PROM2: variants seen among roughly 807,000 people sequenced by gnomAD.
PROM2 encodes prominin 2, also known as prominin-2.
In PROM2, 90 loss-of-function variants were observed where a neutral mutation model predicts 110.2. That is an observed-to-expected ratio of 0.82 (90% confidence interval 0.69 to 0.97). The LOEUF is 0.97. PROM2 is among the 50% of genes least tolerant of loss of function. The probability of loss-of-function intolerance (pLI) is 0.00; values close to 1 mark genes in which losing one functional copy is unlikely to be tolerated. For synonymous variants in PROM2, 470 were observed against 467.8 expected (o/e 1.00, Z -0.06); for missense variants, 1,009 against 1,074.8 (o/e 0.94, Z 0.86).
chr2:95,282,534 G>A (rs1201310820), intron 14 of PROM2, among the ~76,000 whole-genome samples: 2 of 152,210 alleles, frequency 1.3e-5, no homozygotes. Context: ...ACAGGCATTG[G>A]CTGGGATGCT....
Position 95,286,551 on chromosome 2 carries a change from GT to G in PROM2, c.2021del (p.Val674AlafsTer32). The part of the protein sequence containing the change: ...GLRNLHQEKV[V>X]PQQSLVAKLN... ...CAGAAACCTTCACCAGGAGAAGGTC[GT>G]CCCCCAGCAGAGCCTTGTGGTCAGT... On this transcript the variant is annotated frameshift_variant, in exon 17 of 24. Coordinates refer to ENST00000317620, the MANE Select transcript of PROM2 (RefSeq NM_001165978.3). LOFTEE classifies it high-confidence loss of function. 2.5e-6 allele frequency: 4 copies of G among 1,613,512 alleles called. No homozygotes were observed. Among genetic ancestry groups the G allele is most frequent in the Admixed American group, 1.7e-5 (1 of 60,008 alleles).
rs780446198 is a variant in PROM2, at chr2:95,279,067, C to G, written c.1197C>G (p.Arg399=). The G allele has an allele frequency of 1.6e-5, 25 of 1,602,618 alleles. No homozygotes were observed. The highest frequency in any genetic ancestry group is 5.0e-5 in the Admixed American group (3 of 59,456). The change falls in exon 10 of 24, where the codon CGC becomes CGG. Residue 399 remains arginine (R), a synonymous_variant. Transcript: ENST00000317620. ...TCCCGGGCTTGGAGGCAGCTTCCCGCTGGGCCCAGGCACTGCAGGAGGTGG... is the reference window on the plus strand; with the variant it reads ...TCCCGGGCTTGGAGGCAGCTTCCCGGTGGGCCCAGGCACTGCAGGAGGTGG... ...EGFPGLEAAS[R]WAQALQEVEE...
chr2:95,284,856 A>G (rs1677251362), intron 14 of PROM2, 113 bp from the exon 15 acceptor site: 2 of 1,207,932 alleles, frequency 1.7e-6, no homozygotes, highest in Non-Finnish European at 2.3e-6. Flanking sequence ...TGAAATTTGG[A>G]GGGGACAAAT....
chr2:95,277,629 A>G, intron 7 of PROM2, 63 bp downstream of exon 7: 1 of 1,420,066 alleles, frequency 7.0e-7, no homozygotes. Flanking sequence ...TGCTCCTGGG[A>G]TCTGGCAAAT....
In PROM2 at chr2:95,286,515, G is replaced by A; in HGVS notation, c.1984G>A (p.Ala662Thr). Residue 662 changes from alanine (A) to threonine (T), a missense_variant, in exon 17 of 24, where the codon GCC becomes ACC. Coordinates refer to ENST00000317620, the MANE Select transcript of PROM2 (RefSeq NM_001165978.3). Reference protein sequence around the residue: ...SVLGQRLQEEAQGLRNLHQEK... With the variant: ...SVLGQRLQEETQGLRNLHQEK... ...GCTGGGGCAGCGGCTGCAGGAGGAG[G>A]CCCAAGGACTCAGAAACCTTCACCA... The A allele has an allele frequency of 6.2e-7, 1 of 1,613,848 alleles. No homozygotes were observed. The highest frequency in any genetic ancestry group is 8.5e-7 in the Non-Finnish European group (1 of 1,180,012).
rs1299368329 is a variant in PROM2 at position 95,285,101 on chromosome 2, G to A, written c.1861G>A (p.Asp621Asn). Residue 621 changes from aspartate (D) to asparagine (N), a missense_variant, in exon 15 of 24, where the codon GAC becomes AAC. Coordinates refer to ENST00000317620, the MANE Select transcript of PROM2 (RefSeq NM_001165978.3). ...SSGLQRIHYPDFLVQIQRPVV... is the reference protein window; with the variant it reads ...SSGLQRIHYPNFLVQIQRPVV... ...TGGGCTTCAGCGCATCCACTACCCC[G>A]ACTTCCTCGTTCAGGTCAGCGGTGG... 32 of 1,579,292 alleles carry A rather than the reference G, an allele frequency of 2.0e-5. No individual in the cohort carries two copies. The highest frequency in any genetic ancestry group is 5.4e-5 in the Admixed American group (3 of 55,644).
At chr2:95,278,876 G>T in intron 9 of PROM2, 92 bp downstream of exon 9, 2 of 1,605,336 alleles carry the variant, frequency 1.2e-6, no homozygotes, top group Non-Finnish European at 1.7e-6. Flanking sequence ...TGGGGTGGCG[G>T]GGGACTGTCT....
rs372626448 is a variant in PROM2 at position 95,277,074 on chromosome 2, C to T, written c.772+13C>T. ...AGTTTGGGCCAGGGTGAGCTGGAGC[C>T]GCATCCTGGATAGTGTGGAGCCCAG... On this transcript the variant is annotated intron_variant, in intron 6 of 23. Transcript: ENST00000317620. 22 of 1,548,544 alleles carry T rather than the reference C, an allele frequency of 1.4e-5. No individual in the cohort carries two copies. Among genetic ancestry groups the T allele is most frequent in the Non-Finnish European group, 1.7e-5 (19 of 1,145,470 alleles).
intron 18 of PROM2, 61 bp downstream of exon 18, chr2:95,286,918 TAGG>T: frequency 6.4e-7 from 1 of 1,554,460 alleles, no homozygotes; most frequent in Non-Finnish European, 8.9e-7. Flanking sequence ...GGGGAGGAAG[TAGG>T]AGCCCATCTC....
Position 95,276,969 on chromosome 2 carries a change from C to T in PROM2, c.683-3C>T. 4.5e-6 allele frequency: 7 copies of T among 1,551,842 alleles called. No homozygotes were observed. The highest frequency in any genetic ancestry group is 6.1e-6 in the Non-Finnish European group (7 of 1,147,056). On this transcript the variant is annotated splice_region_variant and splice_polypyrimidine_tract_variant and intron_variant, in intron 5 of 23. Transcript: ENST00000317620. This position sits in a 1 kb window ranked among gnomAD's most constrained non-coding sequence, Gnocchi z 4.6. ...ACCCTGCAGACTGCCCTGTGCTCTG[C>T]AGGTGTTGGTGTGAGCATTGGGAGC...
rs1677518105 is a variant in PROM2, at chr2:95,288,571, C to T, written c.2423C>T (p.Pro808Leu). ...GTCAAGACCTCCAAATACTTCCGTC[C>T]TATCCGGAAACGCCTCAGGTGAGGG... ...FAVKTSKYFR[P>L]IRKRLSSTSS... The change falls in exon 22 of 24, where the codon CCT (proline) becomes CTT (leucine). Residue 808 changes from proline (P) to leucine (L), a missense_variant. Coordinates refer to ENST00000317620, the MANE Select transcript of PROM2 (RefSeq NM_001165978.3). 6.2e-7 allele frequency: 1 copy of T among 1,614,114 alleles called. No homozygotes were observed. Among genetic ancestry groups the T allele is most frequent in the Non-Finnish European group, 8.5e-7 (1 of 1,179,970 alleles).
chr2:95,278,633 C>T lies in PROM2; in HGVS notation c.1051-88C>T, dbSNP rs1214408775. ...GGAAACTGGGAGCACTGAGGGGGGC[C>T]CTCCCTCTAGGCCTGGTGACTTTGG... On this transcript the variant is annotated intron_variant, in intron 8 of 23. Transcript: ENST00000317620. 12 of 1,470,348 alleles carry T rather than the reference C, an allele frequency of 8.2e-6. No individual in the cohort carries two copies. The South Asian group carries it at 9.1e-5, about 11-fold the overall frequency. The allele number at this position is 1,470,348 out of a possible 1,614,324, so 91.1% of individuals were successfully genotyped here.
chr2:95,282,061 G>C (rs1187816126), intron 13 of PROM2, 45 bp downstream of exon 13: 1 of 1,608,542 alleles, frequency 6.2e-7, no homozygotes. Flanking sequence ...GAAGGAAGGA[G>C]GAGGGCCGGT....
chr2:95,281,071 G>A (rs1677012831), intron 11 of PROM2, among the ~76,000 whole-genome samples, 171 bp from the exon 12 acceptor site: 1 of 152,186 alleles, frequency 6.6e-6, no homozygotes, highest in Non-Finnish European at 1.5e-5. Context: ...AGGAATACTG[G>A]GTTCTCCCTC....
In PROM2 at chr2:95,277,029, C is replaced by T; in HGVS notation, c.740C>T (p.Pro247Leu). 1.3e-6 allele frequency: 2 copies of T among 1,552,814 alleles called. No homozygotes were observed. Among genetic ancestry groups the T allele is most frequent in the Non-Finnish European group, 8.7e-7 (1 of 1,147,482 alleles). Residue 247 changes from proline (P) to leucine (L), a missense_variant, in exon 6 of 24, where the codon CCC becomes CTC. By Grantham distance (98) the Pro-to-Leu change is moderately conservative. Coordinates refer to ENST00000317620, the MANE Select transcript of PROM2 (RefSeq NM_001165978.3). ...IHTQLRSSVY[P>L]LLAAVGSLGQ... ...ACTCAGCTCAGGAGCTCCGTGTACC[C>T]CTTGCTGGCGGCCGTGGGCAGTTTG... is the stretch of plus-strand genomic sequence containing the variant.
chr2:95,287,846 C>A (rs1677462341), intron 20 of PROM2, among the ~76,000 whole-genome samples: 1 of 152,224 alleles, frequency 6.6e-6, no homozygotes, highest in Non-Finnish European at 1.5e-5. Context: ...CACACTAGGG[C>A]AACAGTGGTC....
rs942962538 is a variant in PROM2 at position 95,290,845 on chromosome 2, TTTTG to T, written c.*1648_*1651del. ...TTCAGGGAGTGTCTGTGTTGTTTGT[TTTTG>T]TTTGTTTGTTTGTTTTGAGACAGGG... On this transcript the variant is annotated 3_prime_UTR_variant, in exon 24 of 24. Transcript: ENST00000317620. The T allele has an allele frequency of 3.9e-5, 6 of 153,262 alleles. No individual in the cohort carries two copies. The highest frequency in any genetic ancestry group is 2.1e-4 in the South Asian group (1 of 4,846). 9.5% of individuals were successfully genotyped at this position (153,262 alleles called of 1,614,324 possible). A position where few individuals can be genotyped will look rare whatever the true frequency, so the allele number is the denominator to read the frequency against.
chr2:95,276,569 G>A lies in PROM2; in HGVS notation c.619-25G>A. ...GGACTGTGGGTGACCAGGAAGGGCA[G>A]CCTCAGGGCCTTGTGTTTGCCTAGG... On this transcript the variant is annotated intron_variant, in intron 4 of 23. Coordinates refer to ENST00000317620, the MANE Select transcript of PROM2 (RefSeq NM_001165978.3). The surrounding 1 kb of genome is among the most constrained non-coding windows in gnomAD (Gnocchi z 4.6). The A allele has an allele frequency of 6.2e-7, 1 of 1,613,960 alleles. No individual in the cohort carries two copies. Among genetic ancestry groups the A allele is most frequent in the Non-Finnish European group, 8.5e-7 (1 of 1,179,976 alleles).
At chr2:95,277,097 C>T in intron 6 of PROM2, 36 bp downstream of exon 6, 1 of 1,525,802 alleles carries the variant, frequency 6.6e-7, no homozygotes, top group East Asian at 2.5e-5. Flanking sequence ...GTGTGGAGCC[C>T]AGCGGGTGTC....
Sources: allele counts gnomAD v4.1 joint callset (sites outside exome capture counted in the v4.1 genomes callset), GRCh38; gene constraint gnomAD v4.1.1; non-coding constraint Gnocchi (gnomAD v3.1); transcripts MANE v1.5; gene names NCBI Gene and HGNC (gene_info 2026-07-23, HGNC 2026-07-21).